The following ABCG1 variants were observed in gnomAD, a reference collection of about 807,000 sequenced individuals.
ABCG1 encodes the protein ATP binding cassette subfamily G member 1.
ABCG1 carries 29 observed loss-of-function variants against 69.2 expected under a neutral mutation model. The ratio of observed to expected loss-of-function variants is 0.42; its 90% CI spans 0.31 to 0.57. The LOEUF is 0.57. Ranked by LOEUF, ABCG1 falls within the 20% of genes least tolerant of loss-of-function variation. The pLI is 0.15. For synonymous variants in ABCG1, 370 were observed against 374.8 expected, an observed-to-expected ratio of 0.99 and a Z score of 0.15; for missense variants, 718 against 898.1, an observed-to-expected ratio of 0.80 and a Z score of 2.56.
rs367666623 is a variant in ABCG1 at position 42,290,016 on chromosome 21, G to C, written c.1225-34G>C. ...TTCTCTGAGCCGAGGACGGCTTTGC[G>C]AACGCACTGGGTAAGATGCGGGTCT... On this transcript the variant is annotated intron_variant, in intron 10 of 14. Coordinates refer to ENST00000398449, the MANE Select transcript of ABCG1 (RefSeq NM_016818.3). The C allele has an allele frequency of 6.2e-6, 10 of 1,614,178 alleles. No homozygotes were observed. In the East Asian group the frequency reaches 2.0e-4, roughly 32 times the overall value.
chr21:42,291,213 A>C lies in ABCG1; in HGVS notation c.1494+21A>C. ...TTCAGGTGTGTTAGCCAGGGGCTGG[A>C]ATTTGAAACGGGGGCAAGAGTTCTC... On this transcript the variant is annotated intron_variant, in intron 12 of 14. Coordinates refer to ENST00000398449, the MANE Select transcript of ABCG1 (RefSeq NM_016818.3). The surrounding 1 kb of genome is among the most constrained non-coding windows in gnomAD (Gnocchi z 6.4). 1.1e-5 allele frequency: 17 copies of C among 1,584,262 alleles called. No homozygotes were observed. The highest frequency in any genetic ancestry group is 1.5e-5 in the Non-Finnish European group (17 of 1,154,272).
rs114561114 is a variant in ABCG1 at position 42,255,324 on chromosome 21, G to T, written c.287-15746G>T. On this transcript the variant is annotated intron_variant, in intron 2 of 14. Coordinates refer to ENST00000398449, the MANE Select transcript of ABCG1 (RefSeq NM_016818.3). ...ACATATGATAGTGTGTACATGGTGT[G>T]TCTGTGCACGCATGATTGTGTGTAC... 4.7e-3 allele frequency among the ~76,000 whole-genome samples: 709 copies of T among 152,268 alleles called. 8 individuals carry two copies. Among genetic ancestry groups the T allele is most frequent in the African/African-American group, 0.016 (665 of 41,552 alleles).
At chr21:42,236,399 A>C (rs767292406) in intron 2 of ABCG1, among the ~76,000 whole-genome samples, 2 of 152,206 alleles carry the variant, frequency 1.3e-5, no homozygotes, top group Non-Finnish European at 2.9e-5. Flanking sequence ...GAGTATCCGC[A>C]AGGCCTGGGG....
At chr21:42,249,214 G>A (rs2068182033) in intron 2 of ABCG1, among the ~76,000 whole-genome samples, 1 of 152,206 alleles carries the variant, frequency 6.6e-6, no homozygotes, top group Non-Finnish European at 1.5e-5. Flanking sequence ...CAGGGGACTG[G>A]GATGAGGGAG....
intron 2 of ABCG1, among the ~76,000 whole-genome samples, chr21:42,269,871 G>GTCCC (rs1220558489): frequency 2.6e-5 from 4 of 152,190 alleles, no homozygotes; most frequent in Non-Finnish European, 5.9e-5. Flanking sequence ...GACCCCACAG[G>GTCCC]TCCCTGTCTC....
chr21:42,242,558 G>T (rs1043652013), intron 2 of ABCG1, among the ~76,000 whole-genome samples: 1 of 152,190 alleles, frequency 6.6e-6, no homozygotes, highest in Non-Finnish European at 1.5e-5. Context: ...GGAGGGAGCT[G>T]TATTATAGAT....
chr21:42,225,565 G>T, intron 1 of ABCG1, 106 bp from the exon 2 acceptor site: 1 of 1,407,518 alleles, frequency 7.1e-7, no homozygotes, highest in Non-Finnish European at 9.7e-7. Flanking sequence ...TGGAAGAAGT[G>T]TTGCTATTAA....
intron 2 of ABCG1, among the ~76,000 whole-genome samples, chr21:42,236,544 G>C (rs368217363): frequency 6.6e-6 from 1 of 152,228 alleles, no homozygotes; most frequent in African/African-American, 2.4e-5. Context: ...TCTTTCAGAC[G>C]CTTTGCTCAA....
In ABCG1 at chr21:42,288,181, C is replaced by T. The variant is rs1163999730; in HGVS notation, c.1123-30C>T. The T allele has an allele frequency of 6.2e-7, 1 of 1,612,576 alleles. No homozygotes were observed. The highest frequency in any genetic ancestry group is 8.5e-7 in the Non-Finnish European group (1 of 1,178,530). On this transcript the variant is annotated intron_variant, in intron 9 of 14. Coordinates refer to ENST00000398449, the MANE Select transcript of ABCG1 (RefSeq NM_016818.3). The surrounding 1 kb of genome is among the most constrained non-coding windows in gnomAD (Gnocchi z 4.8). The stretch of plus-strand genomic sequence containing the variant: ...GGAGCCGTGGCTCCGGACTGGCTTT[C>T]ACCCGCTCCCCTCTTGCGTGTGTCC...
rs1042441873 is a variant in ABCG1 at position 42,276,812 on chromosome 21, C to T, written c.538-83C>T. The T allele has an allele frequency of 3.1e-5, 43 of 1,409,208 alleles. No individual in the cohort carries two copies. Among genetic ancestry groups the T allele is most frequent in the Middle Eastern group, 2.2e-4 (1 of 4,586 alleles). 87.3% of individuals were successfully genotyped at this position (1,409,208 alleles called of 1,614,324 possible). A position where few individuals can be genotyped will look rare whatever the true frequency, so the allele number is the denominator to read the frequency against. ...CTAGCTGCATCTTGGCTAGCTGCAC[C>T]GTGGCCTGCAGTGCGGGCATGAGGC... On this transcript the variant is annotated intron_variant, in intron 4 of 14. Transcript: ENST00000398449. This position sits in a 1 kb window ranked among gnomAD's most constrained non-coding sequence, Gnocchi z 5.3.
At chr21:42,261,102 T>G (rs1395073596) in intron 2 of ABCG1, among the ~76,000 whole-genome samples, 1 of 152,134 alleles carries the variant, frequency 6.6e-6, no homozygotes, top group Non-Finnish European at 1.5e-5. Context: ...ATTACAGGCA[T>G]GAGTCACCGT....
Position 42,290,238 on chromosome 21 carries a change from C to G in ABCG1, c.1393+20C>G. The G allele has an allele frequency of 6.2e-7, 1 of 1,603,590 alleles. No individual in the cohort carries two copies. Among genetic ancestry groups the G allele is most frequent in the Middle Eastern group, 1.7e-4 (1 of 6,028 alleles). On this transcript the variant is annotated intron_variant, in intron 11 of 14. Coordinates refer to ENST00000398449, the MANE Select transcript of ABCG1 (RefSeq NM_016818.3). ...TGACATGTGAGTGACAGACCGCTGA[C>G]CCCTTCTTCCTTATTTTCAATTCCT...
intron 5 of ABCG1, among the ~76,000 whole-genome samples, chr21:42,281,116 C>T (rs986292111): frequency 2.0e-5 from 3 of 152,248 alleles, no homozygotes; most frequent in African/African-American, 7.2e-5. Flanking sequence ...ACCAAAGCTG[C>T]ACTTTGTACC....
At chr21:42,222,414 G>A (rs1408461819) in intron 1 of ABCG1, among the ~76,000 whole-genome samples, 1 of 152,188 alleles carries the variant, frequency 6.6e-6, no homozygotes, top group Non-Finnish European at 1.5e-5. Flanking sequence ...GCTTATTTGG[G>A]GATGGGGCTG....
intron 2 of ABCG1, among the ~76,000 whole-genome samples, chr21:42,263,036 C>T (rs1601409972): frequency 1.3e-5 from 2 of 152,184 alleles, no homozygotes; most frequent in Non-Finnish European, 1.5e-5. Flanking sequence ...GCTGCCGTGT[C>T]CCCCGACTCT....
At chr21:42,201,459 G>C in intron 1 of ABCG1, 2 of 579,284 alleles carry the variant, frequency 3.5e-6, no homozygotes, top group South Asian at 4.1e-5. Flanking sequence ...CATTCCTAAC[G>C]GGCCACGGAC....
chr21:42,224,167 T>C (rs149529898), intron 1 of ABCG1, among the ~76,000 whole-genome samples: 1 of 152,310 alleles, frequency 6.6e-6, no homozygotes, highest in East Asian at 1.9e-4. Flanking sequence ...CTAGAGCGCA[T>C]TGTCTTGTCC....
rs779638354 is a variant in ABCG1, at chr21:42,294,591, C to T, written c.1703C>T (p.Ser568Leu). ...ACAGCCATCCCGGTGCTCCTGTTCT[C>T]GGGGTTCTTCGTCAGCTTCGACACC... ...PVTAIPVLLF[S>L]GFFVSFDTIP... is the part of the protein sequence containing the mutation. The change falls in exon 14 of 15, where the codon TCG becomes TTG. Residue 568 changes from serine (S) to leucine (L), a missense_variant. By Grantham distance (145) the Ser-to-Leu change is moderately radical. Transcript: ENST00000398449. 7 of 1,614,104 alleles carry T rather than the reference C, an allele frequency of 4.3e-6. No individual in the cohort carries two copies. The highest frequency in any genetic ancestry group is 2.2e-5 in the East Asian group (1 of 44,902).
chr21:42,228,856 G>A (rs1569209458), intron 2 of ABCG1, among the ~76,000 whole-genome samples: 1 of 152,204 alleles, frequency 6.6e-6, no homozygotes, highest in African/African-American at 2.4e-5. Flanking sequence ...TGGGTGCTGC[G>A]TCCAGTTGGC....
Sources: gnomAD v4.1 joint callset for allele counts (sites outside exome capture counted in the v4.1 genomes callset) on GRCh38, gnomAD v4.1.1 for gene constraint, Gnocchi (gnomAD v3.1) non-coding constraint, MANE v1.5 for transcripts, NCBI Gene and HGNC (gene_info 2026-07-23, HGNC 2026-07-21) for gene names.